FBXO34: variants seen among roughly 807,000 people sequenced by gnomAD.
The protein encoded by FBXO34 is F-box only protein 34.
In FBXO34, 12 loss-of-function variants were observed where a neutral mutation model predicts 24.5. The ratio of observed to expected loss-of-function variants is 0.49; its 90% confidence interval spans 0.31 to 0.79. The LOEUF (loss-of-function observed/expected upper bound fraction) is 0.79. FBXO34 is among the 30% of genes least tolerant of loss of function. The pLI is 0.04. For missense variants in FBXO34, 823 were observed against 857.7 expected (o/e 0.96, Z 0.51); for synonymous variants, 320 against 311.9 (o/e 1.03, Z -0.27).
the FBXO34 span, chr14:55,440,529 C>T: frequency 6.2e-7 from 1 of 1,607,252 alleles, no homozygotes; most frequent in East Asian, 2.2e-5. Flanking sequence ...CCGCTCCGGC[C>T]AGGGCGCAGA....
chr14:55,427,760 A>T, the FBXO34 span, among the ~76,000 whole-genome samples: 3,349 of 152,174 alleles, frequency 0.022, 169 homozygotes, highest in Admixed American at 0.11. Context: ...GTCTGAAGTC[A>T]GGAAGGCTAG....
intron 1 of FBXO34, among the ~76,000 whole-genome samples, chr14:55,285,869 C>T (rs1302201126): frequency 1.3e-5 from 2 of 152,120 alleles, no homozygotes; most frequent in Non-Finnish European, 2.9e-5. Context: ...GTGAGAATTC[C>T]TGTTAAAAGT....
the FBXO34 span, among the ~76,000 whole-genome samples, chr14:55,420,659 T>C: frequency 6.6e-6 from 1 of 152,244 alleles, no homozygotes; most frequent in Admixed American, 6.5e-5. Context: ...CTATTCTGTA[T>C]ACTTAGAAAT....
chr14:55,382,589 T>C, the FBXO34 span, among the ~76,000 whole-genome samples: 1 of 152,146 alleles, frequency 6.6e-6, no homozygotes, highest in Non-Finnish European at 1.5e-5. Flanking sequence ...GAGATTATAA[T>C]CATGAGCTAC....
the FBXO34 span, among the ~76,000 whole-genome samples, chr14:55,408,134 A>C: frequency 1.3e-5 from 2 of 152,176 alleles, no homozygotes; most frequent in African/African-American, 4.8e-5. Flanking sequence ...TGCCATTTAC[A>C]AAATGAAATA....
intron 1 of FBXO34, among the ~76,000 whole-genome samples, chr14:55,326,447 TGTGGGACAAG>T (rs1883346066): frequency 6.6e-6 from 1 of 152,242 alleles, no homozygotes; most frequent in African/African-American, 2.4e-5. Context: ...TAGGTCTTGC[TGTGGGACAAG>T]GTTGTTTGGG....
intron 1 of FBXO34, among the ~76,000 whole-genome samples, chr14:55,306,095 A>G (rs1352682192): frequency 6.6e-6 from 1 of 152,254 alleles, no homozygotes; most frequent in African/African-American, 2.4e-5. Flanking sequence ...TTTCCCAGTC[A>G]TTAAAAACAA....
At chr14:55,279,079 G>A (rs1566537635) in intron 1 of FBXO34, among the ~76,000 whole-genome samples, 2 of 152,064 alleles carry the variant, frequency 1.3e-5, no homozygotes, top group Non-Finnish European at 2.9e-5. Flanking sequence ...GGTGGATCAC[G>A]AGGTCAGGAG....
the FBXO34 span, among the ~76,000 whole-genome samples, chr14:55,408,198 A>C: frequency 6.6e-6 from 1 of 152,166 alleles, no homozygotes; most frequent in Non-Finnish European, 1.5e-5. Flanking sequence ...CACACCTGTA[A>C]TTCCCGCACT....
At chr14:55,300,981 T>C (rs1882333008) in intron 1 of FBXO34, among the ~76,000 whole-genome samples, 1 of 152,272 alleles carries the variant, frequency 6.6e-6, no homozygotes, top group South Asian at 2.1e-4. Context: ...CAAAAGCACA[T>C]GGTGCCAGTC....
chr14:55,326,696 G>A (rs762007780), intron 1 of FBXO34, among the ~76,000 whole-genome samples: 2 of 152,134 alleles, frequency 1.3e-5, no homozygotes, highest in Non-Finnish European at 2.9e-5. Context: ...AGTATAATTC[G>A]TTTTGGATTA....
At chr14:55,407,479 A>C in the FBXO34 span, among the ~76,000 whole-genome samples, 2,022 of 152,232 alleles carry the variant, frequency 0.013, 58 homozygotes, top group African/African-American at 0.046. Context: ...TGGCCAGGCT[A>C]ATCTCGCTCT....
chr14:55,302,446 C>CTTT lies in FBXO34; in HGVS notation c.-11+30913_-11+30915dup, dbSNP rs199946477. Among the ~76,000 whole-genome samples, 57 of 129,640 alleles carry CTTT rather than the reference C, an allele frequency of 4.4e-4. 3 individuals carry two copies. The highest frequency in any genetic ancestry group is 6.6e-4 in the Non-Finnish European group (41 of 61,720). 85.0% of individuals were successfully genotyped at this position (129,640 alleles called of 152,430 possible). A position where few individuals can be genotyped will look rare whatever the true frequency, so the allele number is the denominator to read the frequency against. ...TTCTCATCAAGTGACTCTGTAGCCT[C>CTTT]TTTTTTGTTTTTTTTTTTTTTTTTA... On this transcript the variant is annotated intron_variant, in intron 1 of 1. Transcript: ENST00000313833.
At chr14:55,403,706 A>C in the FBXO34 span, among the ~76,000 whole-genome samples, 2 of 152,200 alleles carry the variant, frequency 1.3e-5, no homozygotes, top group African/African-American at 4.8e-5. Context: ...ACGAACCAGC[A>C]AAATAGTATG....
intron 1 of FBXO34, among the ~76,000 whole-genome samples, chr14:55,319,877 G>A (rs145380538): frequency 0.012 from 1,815 of 152,148 alleles, 13 homozygotes; most frequent in Non-Finnish European, 0.02. Flanking sequence ...GGGTTTCACC[G>A]TGTTAGCCAG....
intron 1 of FBXO34, among the ~76,000 whole-genome samples, chr14:55,280,089 C>A (rs780189875): frequency 6.6e-6 from 1 of 152,110 alleles, no homozygotes; most frequent in Non-Finnish European, 1.5e-5. Flanking sequence ...TCTGTTTATT[C>A]TTCTCATCCT....
Position 55,351,498 on chromosome 14 carries a change from T to A in FBXO34, c.1108T>A (p.Ser370Thr). The change falls in exon 2 of 2, where the codon TCT (serine) becomes ACT (threonine). Residue 370 changes from serine (S) to threonine (T), a missense_variant. Physicochemically the swap from Ser to Thr is moderately conservative, Grantham distance 58. Coordinates refer to ENST00000313833, the MANE Select transcript of FBXO34 (RefSeq NM_017943.4). ...GGAGGACCAGGCCTGGGACGGTGCT[T>A]CTCAGGACTGCCCCCCATTGCCAGC... ...PKEDQAWDGASQDCPPLPAGV... is the reference protein window; with the variant it reads ...PKEDQAWDGATQDCPPLPAGV... 1 of 1,614,106 alleles carries A rather than the reference T, an allele frequency of 6.2e-7. No homozygotes were observed. The highest frequency in any genetic ancestry group is 1.3e-5 in the African/African-American group (1 of 75,000).
intron 1 of FBXO34, among the ~76,000 whole-genome samples, chr14:55,304,049 T>G (rs1333457332): frequency 4.6e-5 from 7 of 152,190 alleles, no homozygotes; most frequent in Non-Finnish European, 1.0e-4. Flanking sequence ...GTGTTTGGAT[T>G]TATTGCTTAG....
intron 1 of FBXO34, among the ~76,000 whole-genome samples, chr14:55,298,356 C>G (rs1882213645): frequency 6.6e-6 from 1 of 150,612 alleles, no homozygotes; most frequent in African/African-American, 2.4e-5. Context: ...CATACTTGAC[C>G]CTTATTTGAA....
Sources: gnomAD v4.1 joint callset for allele counts (sites outside exome capture counted in the v4.1 genomes callset) on GRCh38, gnomAD v4.1.1 for gene constraint, MANE v1.5 for transcripts, NCBI Gene and HGNC (gene_info 2026-07-23, HGNC 2026-07-21) for gene names.